The following RBFOX1 variants were observed in gnomAD, a reference collection of about 807,000 sequenced individuals.
RBFOX1 encodes RNA binding protein fox-1 homolog 1.
RBFOX1 carries 8 observed loss-of-function variants against 57.7 expected under a neutral mutation model. That is an observed-to-expected ratio of 0.14 (90% confidence interval 0.08 to 0.25). The LOEUF (loss-of-function observed/expected upper bound fraction) is 0.25, where lower values mean the gene tolerates loss of function less well. RBFOX1 is among the 10% of genes least tolerant of loss of function. The pLI is 1.00. For missense variants in RBFOX1, 611 were observed against 548.5 expected, an observed-to-expected ratio of 1.11 and a Z score of -1.14; for synonymous variants, 326 against 222.4, an observed-to-expected ratio of 1.47 and a Z score of -4.15.
chr16:7,644,209 C>G (rs575804872), intron 11 of RBFOX1, among the ~76,000 whole-genome samples: 2 of 152,262 alleles, frequency 1.3e-5, no homozygotes, highest in South Asian at 2.1e-4. Context: ...CTGAGCCACT[C>G]TATACCTCCA....
chr16:6,729,418 A>G (rs138878028), intron 3 of RBFOX1, among the ~76,000 whole-genome samples: 140 of 152,358 alleles, frequency 9.2e-4, no homozygotes, highest in Middle Eastern at 3.4e-3. Context: ...CTGCAGTCTT[A>G]CAGGCGTTCT....
intron 1 of RBFOX1, among the ~76,000 whole-genome samples, chr16:5,308,079 C>G (rs578051266): frequency 1.1e-3 from 167 of 152,268 alleles, no homozygotes; most frequent in Non-Finnish European, 1.2e-3. Context: ...GTGGCTCACG[C>G]TTGTAATCCC....
At chr16:5,860,656 C>G (rs1419578305) in intron 3 of RBFOX1, among the ~76,000 whole-genome samples, 1 of 152,104 alleles carries the variant, frequency 6.6e-6, no homozygotes, top group African/African-American at 2.4e-5. Context: ...CTCCCCAGGG[C>G]TAAAAGAGGA....
At chr16:5,286,647 G>T (rs949391329) in intron 1 of RBFOX1, among the ~76,000 whole-genome samples, 2 of 152,302 alleles carry the variant, frequency 1.3e-5, no homozygotes, top group Middle Eastern at 3.4e-3. Flanking sequence ...CCAGTCACTC[G>T]TAAGGGGGAT....
At chr16:5,932,764 G>A (rs1381238578) in intron 4 of RBFOX1, among the ~76,000 whole-genome samples, 1 of 152,096 alleles carries the variant, frequency 6.6e-6, no homozygotes, top group Non-Finnish European at 1.5e-5. Flanking sequence ...ATAAACGTGG[G>A]ATGCTGAAGA....
chr16:7,032,486 A>C (rs1313865528), intron 3 of RBFOX1, among the ~76,000 whole-genome samples: 4 of 152,046 alleles, frequency 2.6e-5, no homozygotes, highest in African/African-American at 9.7e-5. Flanking sequence ...ATCCCATCTT[A>C]ATTTTTTAAA....
chr16:7,308,724 G>T (rs368317425), intron 4 of RBFOX1, among the ~76,000 whole-genome samples: 1 of 152,204 alleles, frequency 6.6e-6, no homozygotes. Flanking sequence ...ATTAGAAAGC[G>T]ATTCTCAGTT....
At chr16:6,735,727 C>T (rs188377119) in intron 3 of RBFOX1, among the ~76,000 whole-genome samples, 15 of 152,204 alleles carry the variant, frequency 9.9e-5, no homozygotes, top group South Asian at 4.1e-4. Context: ...TTATGAAAAG[C>T]CCCAGTGCAG....
intron 4 of RBFOX1, among the ~76,000 whole-genome samples, chr16:7,162,944 C>G (rs7195358): frequency 0.21 from 32,167 of 151,928 alleles, 3,979 homozygotes; most frequent in East Asian, 0.42. Flanking sequence ...TTTTGGCCAT[C>G]ACCTGACCTA....
chr16:6,489,896 C>T (rs62016832), intron 2 of RBFOX1, among the ~76,000 whole-genome samples: 27,927 of 152,140 alleles, frequency 0.18, 2,583 homozygotes, highest in Middle Eastern at 0.23. Context: ...TCCATTTTAT[C>T]CCCTACTTAA....
intron 13 of RBFOX1, among the ~76,000 whole-genome samples, chr16:7,668,498 A>G (rs780926657): frequency 3.9e-5 from 6 of 152,108 alleles, no homozygotes; most frequent in Non-Finnish European, 7.4e-5. Flanking sequence ...CTTCAATCCT[A>G]TTCAGGAGCT....
intron 3 of RBFOX1, among the ~76,000 whole-genome samples, chr16:6,756,202 A>T (rs1455514409): frequency 6.6e-6 from 1 of 152,222 alleles, no homozygotes; most frequent in Non-Finnish European, 1.5e-5. Flanking sequence ...GATTTATTTA[A>T]AAATTATATG....
intron 3 of RBFOX1, among the ~76,000 whole-genome samples, chr16:6,941,004 G>A (rs58516289): frequency 0.014 from 2,115 of 151,952 alleles, 56 homozygotes; most frequent in African/African-American, 0.049. Context: ...ACCACACCCG[G>A]CCCCCCTTAT....
At chr16:6,487,342 G>A (rs540455689) in intron 2 of RBFOX1, among the ~76,000 whole-genome samples, 1 of 152,038 alleles carries the variant, frequency 6.6e-6, no homozygotes, top group Non-Finnish European at 1.5e-5. Context: ...ATTTCAAAGT[G>A]TTCTTTCTGT....
intron 3 of RBFOX1, among the ~76,000 whole-genome samples, chr16:6,660,173 G>C (rs937321140): frequency 1.3e-5 from 2 of 151,028 alleles, no homozygotes; most frequent in Non-Finnish European, 2.9e-5. Context: ...GCAGTGAGCT[G>C]AGATCTCGCC....
chr16:6,793,102 A>G (rs1285904080), intron 3 of RBFOX1, among the ~76,000 whole-genome samples: 1 of 152,134 alleles, frequency 6.6e-6, no homozygotes, highest in Non-Finnish European at 1.5e-5. Context: ...CAGATTGCAC[A>G]AAAGTTCATG....
chr16:6,937,748 G>A (rs918164313), intron 3 of RBFOX1, among the ~76,000 whole-genome samples: 1 of 152,078 alleles, frequency 6.6e-6, no homozygotes, highest in Non-Finnish European at 1.5e-5. Flanking sequence ...AGGGGTTGTG[G>A]AGACCAAAGT....
intron 3 of RBFOX1, among the ~76,000 whole-genome samples, chr16:6,798,240 C>A (rs1260487400): frequency 6.6e-6 from 1 of 152,088 alleles, no homozygotes; most frequent in East Asian, 1.9e-4. Flanking sequence ...GGATACTAGT[C>A]CCAGAGAAGA....
intron 2 of RBFOX1, among the ~76,000 whole-genome samples, chr16:5,530,933 TAAAAAAAAAAAAAAAAAAAAAAA>T (rs59311923): frequency 6.4e-4 from 35 of 55,050 alleles, no homozygotes; most frequent in East Asian, 2.3e-3. Context: ...ACTAAAAATA[TAAAAAAAAAAAAAAAAAAAAAAA>T]AAAAAAAAAA....
Sources: allele counts gnomAD v4.1 joint callset (sites outside exome capture counted in the v4.1 genomes callset), GRCh38; gene constraint gnomAD v4.1.1; transcripts MANE v1.5; gene names NCBI Gene and HGNC (gene_info 2026-07-23, HGNC 2026-07-21).